The following ARHGAP24 variants were observed in gnomAD, a reference collection of about 807,000 sequenced individuals.
ARHGAP24 encodes the protein Rho GTPase activating protein 24.
In ARHGAP24, 50 loss-of-function variants were observed where a neutral mutation model predicts 76.4. That is an observed-to-expected ratio of 0.65 (90% CI 0.52 to 0.83). ARHGAP24 has a LOEUF of 0.83. Among genes scored for constraint, ARHGAP24 ranks in the 40% least tolerant of loss-of-function variants. The probability of loss-of-function intolerance (pLI) is 0.00; values close to 1 mark genes in which losing one functional copy is unlikely to be tolerated. For synonymous variants in ARHGAP24, 345 were observed against 323.3 expected, an observed-to-expected ratio of 1.07 and a Z score of -0.72; for missense variants, 930 against 914.2, an observed-to-expected ratio of 1.02 and a Z score of -0.22.
intron 3 of ARHGAP24, chr4:85,827,778 T>C (rs1729793234): frequency 2.0e-6 from 1 of 498,518 alleles, no homozygotes; most frequent in African/African-American, 2.0e-5. Context: ...GGGAGCCCAC[T>C]AGTGCTGGGG....
intron 1 of ARHGAP24, among the ~76,000 whole-genome samples, chr4:85,552,826 A>C (rs952411770): frequency 6.6e-6 from 1 of 152,164 alleles, no homozygotes; most frequent in African/African-American, 2.4e-5. Context: ...GTTTTACTAA[A>C]ATTAGGATAG....
chr4:85,621,303 CAA>C (rs764951508), intron 2 of ARHGAP24, among the ~76,000 whole-genome samples: 37 of 152,022 alleles, frequency 2.4e-4, no homozygotes, highest in Non-Finnish European at 4.1e-4. Context: ...ATTGCTGGGT[CAA>C]AGAGTATATC....
chr4:85,864,984 T>C (rs345350), intron 3 of ARHGAP24, among the ~76,000 whole-genome samples: 144,939 of 152,148 alleles, frequency 0.95, 69,494 homozygotes, highest in East Asian at 1. Context: ...TATGTCTCAT[T>C]CATCTCCCTT....
At chr4:85,625,268 T>C (rs1720900886) in intron 2 of ARHGAP24, among the ~76,000 whole-genome samples, 2 of 152,216 alleles carry the variant, frequency 1.3e-5, no homozygotes, top group Admixed American at 1.3e-4. Context: ...TCTGGTACGT[T>C]GTGTCTTTGT....
At position 85,881,359 on chromosome 4, in the gene ARHGAP24, T is replaced by G. The variant is rs75179239; in HGVS notation, c.269-42289T>G. Among the ~76,000 whole-genome samples, 17 of 152,376 alleles carry G rather than the reference T, an allele frequency of 1.1e-4. No individual in the cohort carries two copies. The East Asian group carries it at 3.3e-3, about 29-fold the overall frequency. On this transcript the variant is annotated intron_variant, in intron 3 of 9. Coordinates refer to ENST00000395184, the MANE Select transcript of ARHGAP24 (RefSeq NM_001025616.3). ...TGGTGGATAAAAGGGGACTACTGTA[T>G]GTGTGTAATTTATTTTATATTCATT...
chr4:85,655,792 T>TATATATATATATATATAG (rs1553920518), intron 2 of ARHGAP24, among the ~76,000 whole-genome samples: 2 of 37,702 alleles, frequency 5.3e-5, no homozygotes, highest in African/African-American at 3.3e-4. Flanking sequence ...TATATATATA[T>TATATATATATATATATAG]AGAGAGAGAG....
At position 85,713,092 on chromosome 4, in the gene ARHGAP24, G is replaced by A. The variant is rs76187519; in HGVS notation, c.181-8793G>A. On this transcript the variant is annotated intron_variant, in intron 2 of 9. Transcript: ENST00000395184. ...ATGGGCAGATCGTTTGAGCATAGGA[G>A]TTTGAGACCAGCCTGGACATTATGG... Among the ~76,000 whole-genome samples the A allele has an allele frequency of 3.9e-3, 590 of 152,254 alleles. 31 individuals are homozygous for A. The East Asian group carries it at 0.1, about 27-fold the overall frequency.
chr4:85,948,777 C>G (rs1382787351), intron 5 of ARHGAP24, among the ~76,000 whole-genome samples: 1 of 152,176 alleles, frequency 6.6e-6, no homozygotes, highest in African/African-American at 2.4e-5. Flanking sequence ...GTGGTATACT[C>G]ATACCCATCA....
intron 9 of ARHGAP24, 71 bp downstream of exon 9, chr4:85,995,728 C>G (rs1431588290): frequency 7.0e-7 from 1 of 1,424,148 alleles, no homozygotes; most frequent in South Asian, 1.2e-5. Flanking sequence ...CAGGATCACA[C>G]TGAGGGTGAC....
chr4:85,938,452 C>T (rs561302053), intron 4 of ARHGAP24, among the ~76,000 whole-genome samples: 4 of 152,090 alleles, frequency 2.6e-5, no homozygotes, highest in Non-Finnish European at 5.9e-5. Context: ...TTCACTGCTC[C>T]CTCAAGGAAA....
chr4:85,683,107 T>TTGGGGGGGGGG (rs1553922556), intron 2 of ARHGAP24, among the ~76,000 whole-genome samples: 1 of 12,844 alleles, frequency 7.8e-5, no homozygotes, highest in Non-Finnish European at 1.7e-4. Flanking sequence ...TCTCTCAGTG[T>TTGGGGGGGGGG]GTGGGGGGGT....
At chr4:85,911,237 G>A (rs910731367) in intron 3 of ARHGAP24, among the ~76,000 whole-genome samples, 3 of 152,150 alleles carry the variant, frequency 2.0e-5, no homozygotes, top group African/African-American at 7.2e-5. Flanking sequence ...GCCCTAACTC[G>A]AATGGGGTGG....
chr4:85,949,098 T>C (rs1737453866), intron 5 of ARHGAP24, among the ~76,000 whole-genome samples: 1 of 152,126 alleles, frequency 6.6e-6, no homozygotes, highest in African/African-American at 2.4e-5. Flanking sequence ...CAGTCGATAG[T>C]CTTGTTAATT....
chr4:85,831,909 A>C (rs1264038186), intron 3 of ARHGAP24, among the ~76,000 whole-genome samples: 1 of 152,150 alleles, frequency 6.6e-6, no homozygotes, highest in Non-Finnish European at 1.5e-5. Context: ...CTAAAAAAAA[A>C]AAAAAAAAGT....
intron 2 of ARHGAP24, among the ~76,000 whole-genome samples, chr4:85,671,213 T>C (rs1212900855): frequency 6.6e-6 from 1 of 152,132 alleles, no homozygotes; most frequent in African/African-American, 2.4e-5. Context: ...TACCTCTAAA[T>C]AGCCTTTCCT....
At chr4:85,999,596 A>C (rs1021676445) in intron 9 of ARHGAP24, among the ~76,000 whole-genome samples, 4 of 152,186 alleles carry the variant, frequency 2.6e-5, no homozygotes, top group African/African-American at 4.8e-5. Context: ...TTTGCTCAGA[A>C]TAGGAGAAAT....
At chr4:85,684,891 C>G (rs1038828195) in intron 2 of ARHGAP24, among the ~76,000 whole-genome samples, 2 of 152,196 alleles carry the variant, frequency 1.3e-5, no homozygotes, top group Non-Finnish European at 2.9e-5. Flanking sequence ...TTAAAACTTT[C>G]TGAGGTCTCA....
At chr4:85,690,713 CTT>C (rs76097587) in intron 2 of ARHGAP24, among the ~76,000 whole-genome samples, 7 of 137,400 alleles carry the variant, frequency 5.1e-5, no homozygotes, top group Non-Finnish European at 6.3e-5. Flanking sequence ...CCCACTCCCC[CTT>C]TTTTTTTTTT....
At chr4:85,669,945 G>A (rs1722768923) in intron 2 of ARHGAP24, among the ~76,000 whole-genome samples, 1 of 151,872 alleles carries the variant, frequency 6.6e-6, no homozygotes, top group Admixed American at 6.6e-5. Flanking sequence ...CTCTTCTGGG[G>A]CTTTAGTGCA....
Sources: allele counts gnomAD v4.1 joint callset (sites outside exome capture counted in the v4.1 genomes callset), GRCh38; gene constraint gnomAD v4.1.1; transcripts MANE v1.5; gene names NCBI Gene and HGNC (gene_info 2026-07-23, HGNC 2026-07-21).